Variants in LARGE1 observed in about 807,000 individuals in gnomAD.
LARGE1 encodes the protein xylosyl- and glucuronyltransferase LARGE1.
A neutral mutation model predicts 87.6 loss-of-function variants in LARGE1; 43 were observed. The ratio of observed to expected loss-of-function variants is 0.49; its 90% CI spans 0.38 to 0.63. The LOEUF (loss-of-function observed/expected upper bound fraction) is 0.63. LARGE1 is among the 30% of genes least tolerant of loss of function. LARGE1 has a pLI of 0.00. For synonymous variants in LARGE1, 434 were observed against 394.6 expected (o/e 1.10, Z -1.18); for missense variants, 802 against 1,000.2 (o/e 0.80, Z 2.67).
intron 1 of LARGE1, among the ~76,000 whole-genome samples, chr22:33,913,132 T>G (rs1382876934): frequency 6.6e-6 from 1 of 152,176 alleles, no homozygotes; most frequent in Non-Finnish European, 1.5e-5. Flanking sequence ...AAGCCCGGCC[T>G]GATTTTGATA....
intron 6 of LARGE1, among the ~76,000 whole-genome samples, chr22:33,559,378 C>T (rs905677191): frequency 5.9e-5 from 9 of 152,152 alleles, no homozygotes; most frequent in Admixed American, 2.0e-4. Context: ...GACGGGGTTT[C>T]GCCATGTTGG....
the LARGE1 span, among the ~76,000 whole-genome samples, chr22:33,119,696 A>G: frequency 6.6e-6 from 1 of 152,164 alleles, no homozygotes; most frequent in South Asian, 2.1e-4. Flanking sequence ...AGGGAGAAAG[A>G]GTTTGTTGCT....
intron 7 of LARGE1, among the ~76,000 whole-genome samples, chr22:33,390,184 A>G (rs5998905): frequency 0.43 from 65,613 of 151,954 alleles, 17,438 homozygotes; most frequent in African/African-American, 0.76. Flanking sequence ...TAAATATACC[A>G]CTCTCTGTAC....
At chr22:33,442,198 G>T (rs559403471) in intron 6 of LARGE1, among the ~76,000 whole-genome samples, 1 of 152,116 alleles carries the variant, frequency 6.6e-6, no homozygotes, top group Non-Finnish European at 1.5e-5. Context: ...AGAAGCTTCC[G>T]ATCACCGGAA....
At position 33,277,135 on chromosome 22, in the gene LARGE1, G is replaced by C. The variant is rs144197077; in HGVS notation, c.1998C>G (p.Asp666Glu). 3 of 1,614,150 alleles carry C rather than the reference G, an allele frequency of 1.9e-6. No homozygotes were observed. In the African/African-American group the frequency reaches 4.0e-5, roughly 22 times the overall value. The change falls in exon 14 of 15, where the codon GAC (aspartate) becomes GAG (glutamate). Residue 666 changes from aspartate (D) to glutamate (E), a missense_variant. Transcript: ENST00000397394. ...DFEPYVVVRR[D>E]CPEYDRRFVG... Reference sequence around the variant, plus strand: ...CAAACCTCCGGTCGTACTCCGGGCAGTCACGTCTCACAACAACATACGGCT... The same window carrying C: ...CAAACCTCCGGTCGTACTCCGGGCACTCACGTCTCACAACAACATACGGCT...
At position 33,272,625 on chromosome 22, in the gene LARGE1, G is replaced by A. The variant is rs1400210586; in HGVS notation, c.*1802C>T. ...CATATATATTTACATACATACATAAGCCTAGCTAGATCTATGCAAAAATTA... is the reference window on the plus strand; with the variant it reads ...CATATATATTTACATACATACATAAACCTAGCTAGATCTATGCAAAAATTA... On this transcript the variant is annotated 3_prime_UTR_variant, in exon 15 of 15. Coordinates refer to ENST00000397394, the MANE Select transcript of LARGE1 (RefSeq NM_133642.5). Among the ~76,000 whole-genome samples, 2 of 152,106 alleles carry A rather than the reference G, an allele frequency of 1.3e-5. No homozygotes were observed. The highest frequency in any genetic ancestry group is 2.9e-5 in the Non-Finnish European group (2 of 68,028).
At chr22:33,224,984 A>G (rs1925658259) in intron 11 of LARGE1, among the ~76,000 whole-genome samples, 1 of 152,224 alleles carries the variant, frequency 6.6e-6, no homozygotes, top group Non-Finnish European at 1.5e-5. Flanking sequence ...GTAGGCAAGC[A>G]CCTGCCAGGT....
chr22:33,497,744 A>G (rs1365796010), intron 6 of LARGE1, among the ~76,000 whole-genome samples: 3 of 152,234 alleles, frequency 2.0e-5, no homozygotes, highest in Non-Finnish European at 4.4e-5. Context: ...TGTAGTTCAT[A>G]TAAGTAACTG....
intron 6 of LARGE1, among the ~76,000 whole-genome samples, chr22:33,444,552 A>G (rs1231164672): frequency 6.6e-6 from 1 of 152,106 alleles, no homozygotes; most frequent in Non-Finnish European, 1.5e-5. Context: ...TCTATTCTTA[A>G]GCCTGATCCT....
At chr22:33,878,736 AAG>A (rs773777435) in intron 1 of LARGE1, among the ~76,000 whole-genome samples, 11 of 152,118 alleles carry the variant, frequency 7.2e-5, no homozygotes, top group Non-Finnish European at 1.3e-4. Flanking sequence ...TAATCCTTAA[AAG>A]AGAGGCTTCT....
intron 2 of LARGE1, among the ~76,000 whole-genome samples, chr22:33,659,563 G>A (rs2081061594): frequency 6.6e-6 from 1 of 151,994 alleles, no homozygotes; most frequent in Non-Finnish European, 1.5e-5. Context: ...ATTTGCTGTG[G>A]GAAGGAAAAT....
intron 11 of LARGE1, among the ~76,000 whole-genome samples, chr22:33,181,132 C>T (rs1246344766): frequency 6.6e-6 from 1 of 151,968 alleles, no homozygotes; most frequent in Non-Finnish European, 1.5e-5. Context: ...AATACATAAA[C>T]AGGAAAGAAG....
chr22:33,377,209 C>T (rs1219503277), intron 9 of LARGE1, among the ~76,000 whole-genome samples: 1 of 152,178 alleles, frequency 6.6e-6, no homozygotes, highest in Non-Finnish European at 1.5e-5. Context: ...TGTCTGATAA[C>T]AAGAATGATT....
intron 7 of LARGE1, among the ~76,000 whole-genome samples, chr22:33,406,380 C>G (rs977996246): frequency 4.6e-5 from 7 of 152,184 alleles, no homozygotes; most frequent in East Asian, 1.9e-4. Context: ...ATGACCTCTG[C>G]CCGATTTGCA....
intron 11 of LARGE1, among the ~76,000 whole-genome samples, chr22:33,190,362 C>T (rs868551286): frequency 8.5e-5 from 13 of 152,202 alleles, no homozygotes; most frequent in African/African-American, 2.9e-4. Flanking sequence ...AGCCAGACCA[C>T]GTCCTCCTTC....
At chr22:33,134,085 G>A in the LARGE1 span, among the ~76,000 whole-genome samples, 9 of 152,156 alleles carry the variant, frequency 5.9e-5, no homozygotes, top group Admixed American at 2.0e-4. Context: ...GATGAGTGCT[G>A]TGATGAAGGA....
chr22:33,463,208 T>C (rs1194087423), intron 6 of LARGE1, among the ~76,000 whole-genome samples: 1 of 151,984 alleles, frequency 6.6e-6, no homozygotes, highest in African/African-American at 2.4e-5. Context: ...AAGATTTTCA[T>C]TTGGGAATTT....
the LARGE1 span, among the ~76,000 whole-genome samples, chr22:33,073,179 G>A: frequency 2.6e-5 from 4 of 152,134 alleles, no homozygotes; most frequent in African/African-American, 9.7e-5. Flanking sequence ...AGAGGATTTT[G>A]TTTTATGTAC....
At chr22:33,509,258 C>T (rs2070926851) in intron 6 of LARGE1, among the ~76,000 whole-genome samples, 1 of 152,094 alleles carries the variant, frequency 6.6e-6, no homozygotes, top group Admixed American at 6.5e-5. Context: ...GTCCCAGGGC[C>T]ACCTGTTGAG....
Sources: gnomAD v4.1 joint callset for allele counts (sites outside exome capture counted in the v4.1 genomes callset) on GRCh38, gnomAD v4.1.1 for gene constraint, MANE v1.5 for transcripts, NCBI Gene and HGNC (gene_info 2026-07-23, HGNC 2026-07-21) for gene names.